The following MBD5 variants were observed in gnomAD, a reference collection of about 807,000 sequenced individuals.
The protein encoded by MBD5 is methyl-CpG-binding domain protein 5.
Under a neutral mutation model 117.3 loss-of-function variants are expected in MBD5, and 13 were observed. The ratio of observed to expected loss-of-function variants is 0.11; its 90% CI spans 0.07 to 0.18. The LOEUF (loss-of-function observed/expected upper bound fraction) is 0.18, where lower values mean the gene tolerates loss of function less well. Ranked by LOEUF, MBD5 falls within the 10% of genes least tolerant of loss-of-function variation. The pLI is 1.00. For missense variants in MBD5, 1,879 were observed against 2,093.8 expected (o/e 0.90, Z 2.00); for synonymous variants, 727 against 766.4 (o/e 0.95, Z 0.85).
intron 6 of MBD5, among the ~76,000 whole-genome samples, chr2:148,463,197 A>C (rs995989235): frequency 6.6e-6 from 1 of 152,196 alleles, no homozygotes; most frequent in African/African-American, 2.4e-5. Context: ...GTGAATGTCT[A>C]TTATAATGCC....
At chr2:148,029,521 C>T (rs1693981151) in intron 1 of MBD5, among the ~76,000 whole-genome samples, 1 of 152,150 alleles carries the variant, frequency 6.6e-6, no homozygotes, top group Non-Finnish European at 1.5e-5. Context: ...TCTAATTTAA[C>T]ATATCGCTTT....
At chr2:148,069,854 A>AT (rs1695304462) in intron 1 of MBD5, among the ~76,000 whole-genome samples, 1 of 152,014 alleles carries the variant, frequency 6.6e-6, no homozygotes, top group African/African-American at 2.4e-5. Flanking sequence ...TACAAGTGGT[A>AT]TTTTTTTACA....
chr2:148,232,147 G>A (rs1384433975), intron 2 of MBD5, among the ~76,000 whole-genome samples: 1 of 152,168 alleles, frequency 6.6e-6, no homozygotes, highest in Non-Finnish European at 1.5e-5. Flanking sequence ...TGCTTAGCAT[G>A]TTTGAAGAAG....
At chr2:148,376,997 A>G (rs1415778070) in intron 4 of MBD5, among the ~76,000 whole-genome samples, 1 of 148,716 alleles carries the variant, frequency 6.7e-6, no homozygotes, top group Non-Finnish European at 1.5e-5. Context: ...ATTTAGAGAG[A>G]GAGGATATAT....
chr2:148,383,989 C>G (rs917776218), intron 4 of MBD5, among the ~76,000 whole-genome samples: 64 of 152,194 alleles, frequency 4.2e-4, no homozygotes, highest in Non-Finnish European at 7.8e-4. Context: ...CTATGACAAA[C>G]CCACAGCCAA....
chr2:148,159,390 A>G (rs937722258), intron 1 of MBD5, among the ~76,000 whole-genome samples: 2 of 152,098 alleles, frequency 1.3e-5, no homozygotes, highest in Non-Finnish European at 2.9e-5. Context: ...CGATTGGCTC[A>G]CTACAACCTC....
intron 1 of MBD5, among the ~76,000 whole-genome samples, chr2:148,167,335 T>G (rs1299794155): frequency 6.6e-6 from 1 of 152,196 alleles, no homozygotes; most frequent in Non-Finnish European, 1.5e-5. Flanking sequence ...TAAACTTACA[T>G]GATTTCCTTC....
chr2:148,345,711 A>T (rs967367679), intron 4 of MBD5, among the ~76,000 whole-genome samples: 3 of 148,990 alleles, frequency 2.0e-5, no homozygotes, highest in Non-Finnish European at 4.5e-5. Flanking sequence ...TATATATATT[A>T]TATATATATG....
intron 4 of MBD5, among the ~76,000 whole-genome samples, chr2:148,383,636 T>G (rs965465873): frequency 8.1e-6 from 1 of 124,158 alleles, no homozygotes; most frequent in African/African-American, 3.4e-5. Context: ...TACCAAAGCC[T>G]GGCAGAGACA....
chr2:148,371,321 C>T (rs912327658), intron 4 of MBD5, among the ~76,000 whole-genome samples: 4 of 151,806 alleles, frequency 2.6e-5, no homozygotes, highest in African/African-American at 9.7e-5. Flanking sequence ...AGAAAGAATC[C>T]CACATCAATG....
chr2:148,081,527 A>G (rs112585685), intron 1 of MBD5, among the ~76,000 whole-genome samples: 3,842 of 152,318 alleles, frequency 0.025, 57 homozygotes, highest in Non-Finnish European at 0.043. Flanking sequence ...CTGAGAAAGA[A>G]TATAGCACCT....
chr2:148,412,773 G>C (rs1705302677), intron 4 of MBD5, among the ~76,000 whole-genome samples: 1 of 152,006 alleles, frequency 6.6e-6, no homozygotes, highest in Non-Finnish European at 1.5e-5. Context: ...TTGGTTTATA[G>C]GAATGCTACT....
intron 9 of MBD5, chr2:148,485,442 A>C: frequency 3.3e-6 from 1 of 306,090 alleles, no homozygotes; most frequent in South Asian, 4.4e-5. Context: ...AAATCTAAAA[A>C]TAGATGAAGG....
chr2:148,455,486 T>C (rs764354678), intron 4 of MBD5, among the ~76,000 whole-genome samples: 3 of 152,142 alleles, frequency 2.0e-5, no homozygotes, highest in Non-Finnish European at 4.4e-5. Flanking sequence ...AGTTTCTGAT[T>C]CACTAAGTCT....
At chr2:148,197,090 C>T (rs570133527) in intron 2 of MBD5, among the ~76,000 whole-genome samples, 18 of 152,232 alleles carry the variant, frequency 1.2e-4, no homozygotes, top group African/African-American at 4.1e-4. Flanking sequence ...TGAAATTTGG[C>T]TTCTTTGACC....
chr2:148,433,886 C>G (rs1183701903), intron 4 of MBD5, among the ~76,000 whole-genome samples: 3 of 151,044 alleles, frequency 2.0e-5, no homozygotes, highest in African/African-American at 7.3e-5. Context: ...GGAGGAGTCC[C>G]TCCTCCCCGT....
intron 3 of MBD5, among the ~76,000 whole-genome samples, chr2:148,269,111 TATCACTAGA>T (rs1203534787): frequency 1.8e-4 from 28 of 152,004 alleles, no homozygotes; most frequent in Admixed American, 3.3e-4. Context: ...AGTATTGAAA[TATCACTAGA>T]ATCATTTGTT....
At chr2:148,422,301 G>C (rs1705633767) in intron 4 of MBD5, among the ~76,000 whole-genome samples, 1 of 152,162 alleles carries the variant, frequency 6.6e-6, no homozygotes, top group African/African-American at 2.4e-5. Context: ...AGTGTCTGGA[G>C]TGGACCTCCA....
chr2:148,063,096 C>G (rs1316764014), intron 1 of MBD5, among the ~76,000 whole-genome samples: 1 of 152,110 alleles, frequency 6.6e-6, no homozygotes, highest in African/African-American at 2.4e-5. Flanking sequence ...GATATCTCCT[C>G]TTGCGTACTA....
Sources: gnomAD v4.1 joint callset for allele counts (sites outside exome capture counted in the v4.1 genomes callset) on GRCh38, gnomAD v4.1.1 for gene constraint, MANE v1.5 for transcripts, NCBI Gene and HGNC (gene_info 2026-07-23, HGNC 2026-07-21) for gene names.